The following NMNAT2 variants were observed in gnomAD, a reference collection of about 807,000 sequenced individuals.
NMNAT2 encodes nicotinamide nucleotide adenylyltransferase 2.
A neutral mutation model predicts 41.6 loss-of-function variants in NMNAT2; 11 were observed. The observed-to-expected ratio is 0.26, with a 90% CI of 0.17 to 0.44. The LOEUF is 0.44. NMNAT2 is among the 20% of genes least tolerant of loss of function. The pLI, the probability that NMNAT2 is intolerant of heterozygous loss-of-function variation, is 1.00. For synonymous variants in NMNAT2, 148 were observed against 151.2 expected, an observed-to-expected ratio of 0.98 and a Z score of 0.16; for missense variants, 288 against 407.7, an observed-to-expected ratio of 0.71 and a Z score of 2.53.
Position 183,403,649 on chromosome 1 carries a change from T to C in NMNAT2, c.85+14534A>G, listed in dbSNP as rs911745729. 2.6e-5 allele frequency among the ~76,000 whole-genome samples: 4 copies of C among 152,354 alleles called. No homozygotes were observed. The South Asian group carries it at 8.3e-4, about 32-fold the overall frequency. On this transcript the variant is annotated intron_variant, in intron 1 of 10. Coordinates refer to ENST00000287713, the MANE Select transcript of NMNAT2 (RefSeq NM_015039.4). Reference sequence around the variant, plus strand: ...CCACATGGAGAAGTTGTTCAGGCCTTTTTAATGAATATTCATAGCCATATG... The same window carrying C: ...CCACATGGAGAAGTTGTTCAGGCCTCTTTAATGAATATTCATAGCCATATG...
intron 1 of NMNAT2, among the ~76,000 whole-genome samples, chr1:183,307,383 T>C (rs1255933858): frequency 1.3e-5 from 2 of 150,908 alleles, no homozygotes; most frequent in Admixed American, 1.3e-4. Flanking sequence ...CTCGGCTCAC[T>C]GCAACCTCTG....
At chr1:183,326,896 A>ATGGAAGAGGAC (rs1316087797) in intron 1 of NMNAT2, among the ~76,000 whole-genome samples, 1 of 152,198 alleles carries the variant, frequency 6.6e-6, no homozygotes, top group African/African-American at 2.4e-5. Context: ...AACCAGGTGG[A>ATGGAAGAGGAC]TGGAAGAGGA....
intron 1 of NMNAT2, among the ~76,000 whole-genome samples, chr1:183,405,747 TA>T (rs1204760400): frequency 1.4e-4 from 22 of 152,372 alleles, no homozygotes; most frequent in African/African-American, 5.0e-4. Context: ...GTTTTAAAAA[TA>T]ACAGCCCTTT....
At position 183,326,375 on chromosome 1, in the gene NMNAT2, C is replaced by CA. The variant is rs58330585; in HGVS notation, c.86-32583dup. Among the ~76,000 whole-genome samples, 76 of 69,186 alleles carry CA rather than the reference C, an allele frequency of 1.1e-3. 5 individuals are homozygous for CA. The highest frequency in any genetic ancestry group is 2.1e-3 in the Admixed American group (10 of 4,688). 45.4% of individuals were successfully genotyped at this position (69,186 alleles called of 152,430 possible). A position where few individuals can be genotyped will look rare whatever the true frequency, so the allele number is the denominator to read the frequency against. On this transcript the variant is annotated intron_variant, in intron 1 of 10. Coordinates refer to ENST00000287713, the MANE Select transcript of NMNAT2 (RefSeq NM_015039.4). ...TGGGCAACAGAGTGAGACTCCATCT[C>CA]AAAAAAAAAAAAAAAAAAAAAAAAA...
chr1:183,394,601 A>G (rs1031880721), intron 1 of NMNAT2, among the ~76,000 whole-genome samples: 4 of 152,144 alleles, frequency 2.6e-5, no homozygotes, highest in Non-Finnish European at 5.9e-5. Flanking sequence ...CTGGCTGAAA[A>G]CCATGGTTCT....
chr1:183,256,627 C>T (rs1660521923), intron 10 of NMNAT2, among the ~76,000 whole-genome samples: 2 of 152,148 alleles, frequency 1.3e-5, no homozygotes, highest in African/African-American at 4.8e-5. Context: ...TTAAACCAGC[C>T]TTGTGTGCCA....
chr1:183,268,553 CA>C (rs1174091392), intron 8 of NMNAT2, among the ~76,000 whole-genome samples: 4 of 152,182 alleles, frequency 2.6e-5, no homozygotes, highest in Non-Finnish European at 5.9e-5. Flanking sequence ...ATGGGGGAGG[CA>C]AACTGTCTTA....
chr1:183,350,545 C>A (rs114913203), intron 1 of NMNAT2, among the ~76,000 whole-genome samples: 1,946 of 152,284 alleles, frequency 0.013, 27 homozygotes, highest in Middle Eastern at 0.075. Context: ...AAGGCCAATG[C>A]TTCTCTATCA....
intron 1 of NMNAT2, among the ~76,000 whole-genome samples, chr1:183,380,869 G>A (rs755479460): frequency 6.6e-6 from 1 of 152,158 alleles, no homozygotes; most frequent in Non-Finnish European, 1.5e-5. Context: ...GCCAAACAAT[G>A]TCTTCCCACA....
chr1:183,284,798 A>C lies in NMNAT2; in HGVS notation c.449-8T>G, dbSNP rs1486763562. 6.2e-7 allele frequency: 1 copy of C among 1,612,716 alleles called. No homozygotes were observed. Among genetic ancestry groups the C allele is most frequent in the Admixed American group, 1.7e-5 (1 of 60,004 alleles). Reference sequence around the variant, plus strand: ...CCTTCCCCAAGATCTTGGCTATGGGAGAGAGCAAGACAGACAGGGACAGAG... The same window carrying C: ...CCTTCCCCAAGATCTTGGCTATGGGCGAGAGCAAGACAGACAGGGACAGAG... On this transcript the variant is annotated splice_polypyrimidine_tract_variant and splice_region_variant and intron_variant, in intron 5 of 10. Transcript: ENST00000287713.
intron 8 of NMNAT2, among the ~76,000 whole-genome samples, 184 bp from the exon 9 acceptor site, chr1:183,261,487 A>G (rs1427947687): frequency 6.6e-6 from 1 of 152,234 alleles, no homozygotes; most frequent in Non-Finnish European, 1.5e-5. Flanking sequence ...AACAGTGTTA[A>G]TAGAATAAGT....
Position 183,285,050 on chromosome 1 carries a change from T to C in NMNAT2, c.449-260A>G, listed in dbSNP as rs181261276. ...CATTTTCTGGTTATGTTTATTTCAT[T>C]GTTGAAAACTTGGAAAATATAGAAG... On this transcript the variant is annotated intron_variant, in intron 5 of 10. Transcript: ENST00000287713. 2.7e-4 allele frequency among the ~76,000 whole-genome samples: 41 copies of C among 152,342 alleles called. 1 individual carries two copies. The highest frequency in any genetic ancestry group is 8.9e-4 in the African/African-American group (37 of 41,574).
chr1:183,248,711 TTGTA>T lies in NMNAT2; in HGVS notation c.*3926_*3929del, dbSNP rs923285648. The T allele has an allele frequency of 6.6e-6, 1 of 152,260 alleles. No individual in the cohort carries two copies. The highest frequency in any genetic ancestry group is 2.4e-5 in the African/African-American group (1 of 41,462). 9.4% of individuals were successfully genotyped at this position (152,260 alleles called of 1,614,324 possible). A position where few individuals can be genotyped will look rare whatever the true frequency, so the allele number is the denominator to read the frequency against. On this transcript the variant is annotated 3_prime_UTR_variant, in exon 11 of 11. Transcript: ENST00000287713. ...CAATGCTATTCCTAAGGTGTCCTAATTGTATGAGCTACAAAATCGGTCCCTGTTT... is the reference window on the plus strand; with the variant it reads ...CAATGCTATTCCTAAGGTGTCCTAATTGAGCTACAAAATCGGTCCCTGTTT...
In NMNAT2 at chr1:183,285,825, G is replaced by A. The variant is rs116356337; in HGVS notation, c.448+837C>T. Among the ~76,000 whole-genome samples, 585 of 152,198 alleles carry A rather than the reference G, an allele frequency of 3.8e-3. 8 individuals are homozygous for A. Among genetic ancestry groups the A allele is most frequent in the African/African-American group, 0.013 (520 of 41,522 alleles). On this transcript the variant is annotated intron_variant, in intron 5 of 10. Transcript: ENST00000287713. ...CAGTATTACTGCATTAAATAAGAACGCAGGTAAAGCACGAGCATCATTTGG... is the reference window on the plus strand; with the variant it reads ...CAGTATTACTGCATTAAATAAGAACACAGGTAAAGCACGAGCATCATTTGG...
chr1:183,282,502 A>T (rs1661296795), intron 7 of NMNAT2, among the ~76,000 whole-genome samples: 1 of 152,224 alleles, frequency 6.6e-6, no homozygotes, highest in African/African-American at 2.4e-5. Context: ...AAGGCAAGCA[A>T]GGCCATGGCT....
At chr1:183,255,695 A>ATTTTTTTTTT in intron 10 of NMNAT2, among the ~76,000 whole-genome samples, 1 of 129,640 alleles carries the variant, frequency 7.7e-6, no homozygotes, top group African/African-American at 2.9e-5. Context: ...ACAGAGTCTC[A>ATTTTTTTTTT]CTCTGTCACC....
At chr1:183,376,804 C>T (rs1273039213) in intron 1 of NMNAT2, among the ~76,000 whole-genome samples, 1 of 152,200 alleles carries the variant, frequency 6.6e-6, no homozygotes, top group African/African-American at 2.4e-5. Context: ...GGGGCTCCAG[C>T]AACCCCTTCA....
At chr1:183,290,492 G>T in intron 3 of NMNAT2, 1 of 338,590 alleles carries the variant, frequency 3.0e-6, no homozygotes, top group Non-Finnish European at 5.4e-6. Context: ...CTTTGGGAAA[G>T]TTATGTGATC....
intron 1 of NMNAT2, among the ~76,000 whole-genome samples, chr1:183,399,281 C>T (rs1486823255): frequency 6.6e-6 from 1 of 152,252 alleles, no homozygotes; most frequent in South Asian, 2.1e-4. Context: ...ATATTATAAA[C>T]ACCTCTACAC....
Sources: gnomAD v4.1 joint callset for allele counts (sites outside exome capture counted in the v4.1 genomes callset) on GRCh38, gnomAD v4.1.1 for gene constraint, MANE v1.5 for transcripts, NCBI Gene and HGNC (gene_info 2026-07-23, HGNC 2026-07-21) for gene names.